Variants in ATP1B2 observed in about 807,000 individuals in gnomAD.
The protein encoded by ATP1B2 is ATPase Na+/K+ transporting subunit beta 2.
A neutral mutation model predicts 37.3 loss-of-function variants in ATP1B2; 12 were observed. That is an observed-to-expected ratio of 0.32 (90% CI 0.21 to 0.52). The LOEUF is 0.52. ATP1B2 is among the 20% of genes least tolerant of loss of function. The probability of loss-of-function intolerance (pLI) is 0.96; values close to 1 mark genes in which losing one functional copy is unlikely to be tolerated. For missense variants in ATP1B2, 324 were observed against 391.6 expected (o/e 0.83, Z 1.46); for synonymous variants, 139 against 140.5 (o/e 0.99, Z 0.07).
rs1227118276 is a variant in ATP1B2 at position 7,656,145 on chromosome 17, G to C, written c.*250G>C. ...AGGGAGCTGGGCTAAGATGGCCACG[G>C]AGGAGTTAGGAGCCTTTCTAGTTCT... On this transcript the variant is annotated 3_prime_UTR_variant, in exon 7 of 7. Transcript: ENST00000250111. The C allele has an allele frequency of 5.6e-6, 3 of 538,276 alleles. No homozygotes were observed. Among genetic ancestry groups the C allele is most frequent in the Non-Finnish European group, 1.0e-5 (3 of 299,576 alleles). 33.3% of individuals were successfully genotyped at this position (538,276 alleles called of 1,614,324 possible). A position where few individuals can be genotyped will look rare whatever the true frequency, so the allele number is the denominator to read the frequency against.
chr17:7,650,427 C>T (rs2072602703), upstream of ATP1B2, among the ~76,000 whole-genome samples: 1 of 151,958 alleles, frequency 6.6e-6, no homozygotes, highest in Non-Finnish European at 1.5e-5. Flanking sequence ...TGGGGGTGGC[C>T]TTTATCCATC....
chr17:7,647,586 C>T (rs370038883), upstream of ATP1B2, among the ~76,000 whole-genome samples: 10 of 151,644 alleles, frequency 6.6e-5, no homozygotes, highest in East Asian at 5.8e-4. Context: ...TTTGGGAGGC[C>T]GAGGTGGGCG....
chr17:7,651,710 CCCAGCTCCCCTCCCGGGTCCCCGGCGT>C, intron 1 of ATP1B2, 80 bp downstream of exon 1: 1 of 1,263,040 alleles, frequency 7.9e-7, no homozygotes. Flanking sequence ...CCGACGCGGC[CCCAGCTCCCCTCCCGGGTCCCCGGCGT>C]CCAGCCTCCC....
In ATP1B2 at chr17:7,654,293, A is replaced by C; in HGVS notation, c.552+36A>C. 6.2e-7 allele frequency: 1 copy of C among 1,607,656 alleles called. No individual in the cohort carries two copies. Among genetic ancestry groups the C allele is most frequent in the Non-Finnish European group, 8.5e-7 (1 of 1,175,180 alleles). Reference sequence around the variant, plus strand: ...CCTTGGTCCCCAGGGTGAATGGAGGAAGGATCTGGGGACACCACCTGCAGA... The same window carrying C: ...CCTTGGTCCCCAGGGTGAATGGAGGCAGGATCTGGGGACACCACCTGCAGA... On this transcript the variant is annotated intron_variant, in intron 4 of 6. Coordinates refer to ENST00000250111, the MANE Select transcript of ATP1B2 (RefSeq NM_001678.5). The surrounding 1 kb of genome is among the most constrained non-coding windows in gnomAD (Gnocchi z 4.9).
rs1053029274 is a variant in ATP1B2, at chr17:7,654,943, G to A, written c.609+259G>A. 1.4e-5 allele frequency: 7 copies of A among 489,500 alleles called. No individual in the cohort carries two copies. The highest frequency in any genetic ancestry group is 2.2e-5 in the Non-Finnish European group (6 of 271,034). The allele number at this position is 489,500 out of a possible 1,614,324, so 30.3% of individuals were successfully genotyped here. A position where few individuals can be genotyped will look rare whatever the true frequency, so the allele number is the denominator to read the frequency against. ...CAGACACACGCCCTCCTCCACCAACGCCCTGGCCTCTGGCTTCTCTCCCTA... is the reference window on the plus strand; with the variant it reads ...CAGACACACGCCCTCCTCCACCAACACCCTGGCCTCTGGCTTCTCTCCCTA... On this transcript the variant is annotated intron_variant, in intron 5 of 6. Coordinates refer to ENST00000250111, the MANE Select transcript of ATP1B2 (RefSeq NM_001678.5). This position sits in a 1 kb window ranked among gnomAD's most constrained non-coding sequence, Gnocchi z 4.9.
At chr17:7,647,281 G>C (rs1006784735), upstream of ATP1B2, among the ~76,000 whole-genome samples, 1 of 152,046 alleles carries the variant, frequency 6.6e-6, no homozygotes, top group Non-Finnish European at 1.5e-5. Context: ...GGCCACTTAC[G>C]CTGGCAACAA....
chr17:7,653,371 T>A lies in ATP1B2; in HGVS notation c.113-3T>A. ...CCTGCTGACCCTGTTTCCTCCTCCC[T>A]AGCCTTTATCCTCCTCTTCTACCTC... is the stretch of plus-strand genomic sequence containing the variant. On this transcript the variant is annotated splice_region_variant and splice_polypyrimidine_tract_variant and intron_variant, in intron 1 of 6. Transcript: ENST00000250111. The A allele has an allele frequency of 6.2e-7, 1 of 1,614,036 alleles. No individual in the cohort carries two copies.
upstream of ATP1B2, among the ~76,000 whole-genome samples, chr17:7,648,488 AC>A (rs1353185045): frequency 7.1e-6 from 1 of 139,922 alleles, no homozygotes; most frequent in Non-Finnish European, 1.5e-5. Context: ...AACCGCTTGA[AC>A]CCTGGAGGCA....
chr17:7,649,405 T>C (rs1000861094), upstream of ATP1B2, among the ~76,000 whole-genome samples: 3 of 151,942 alleles, frequency 2.0e-5, no homozygotes, highest in African/African-American at 7.2e-5. Context: ...TCTCTTTTTT[T>C]GAGACGAAGT....
At chr17:7,648,532 A>C (rs1268019659), upstream of ATP1B2, among the ~76,000 whole-genome samples, 12 of 135,174 alleles carry the variant, frequency 8.9e-5, no homozygotes, top group Non-Finnish European at 1.7e-4. Context: ...ATGCCACTGC[A>C]CTCCAGCCTG....
chr17:7,648,310 G>A (rs1336812546), upstream of ATP1B2, among the ~76,000 whole-genome samples: 2 of 151,992 alleles, frequency 1.3e-5, no homozygotes, highest in South Asian at 2.1e-4. Context: ...GGGTGCGGTT[G>A]TTCACACCTG....
chr17:7,650,778 A>G (rs1048618308), upstream of ATP1B2, among the ~76,000 whole-genome samples: 4 of 141,118 alleles, frequency 2.8e-5, no homozygotes, highest in Non-Finnish European at 4.6e-5. Flanking sequence ...AAGAGAAGTC[A>G]GGGGGGCGGG....
rs145660136 is a variant in ATP1B2, at chr17:7,654,147, C to T, written c.442C>T (p.Arg148Cys). ...PDNGVLNYPK[R>C]ACQFNRTQLG... ...TAATGGAGTCCTCAACTACCCCAAA[C>T]GTGCCTGCCAATTCAACCGGACCCA... Residue 148 changes from arginine to cysteine, a missense_variant, in exon 4 of 7, where the codon CGT (arginine) becomes TGT (cysteine). By Grantham distance (180) the Arg-to-Cys change is radical. Transcript: ENST00000250111. The surrounding 1 kb of genome is among the most constrained non-coding windows in gnomAD (Gnocchi z 4.9). 1.8e-4 allele frequency: 293 copies of T among 1,614,112 alleles called. No individual in the cohort carries two copies. The highest frequency in any genetic ancestry group is 2.3e-4 in the Non-Finnish European group (269 of 1,180,056).
At position 7,655,205 on chromosome 17, in the gene ATP1B2, A is replaced by T. The variant is rs1452511879; in HGVS notation, c.610-322A>T. 4.0e-5 allele frequency: 17 copies of T among 425,322 alleles called. No individual in the cohort carries two copies. Among genetic ancestry groups the T allele is most frequent in the Non-Finnish European group, 8.5e-6 (2 of 235,542 alleles). 26.3% of individuals were successfully genotyped at this position (425,322 alleles called of 1,614,324 possible). A position where few individuals can be genotyped will look rare whatever the true frequency, so the allele number is the denominator to read the frequency against. ...CTTGCTTCCTATTCAACCCTTAATCATGTATCTCTTCTTTCTTGGCTCTGC... is the reference window on the plus strand; with the variant it reads ...CTTGCTTCCTATTCAACCCTTAATCTTGTATCTCTTCTTTCTTGGCTCTGC... On this transcript the variant is annotated intron_variant, in intron 5 of 6. Coordinates refer to ENST00000250111, the MANE Select transcript of ATP1B2 (RefSeq NM_001678.5). This position sits in a 1 kb window ranked among gnomAD's most constrained non-coding sequence, Gnocchi z 4.4.
At chr17:7,651,712 C>A in intron 1 of ATP1B2, 82 bp downstream of exon 1, 1 of 1,254,356 alleles carries the variant, frequency 8.0e-7, no homozygotes, top group Non-Finnish European at 1.1e-6. Context: ...GACGCGGCCC[C>A]AGCTCCCCTC....
At chr17:7,653,718 T>G (rs2072629006) in intron 2 of ATP1B2, 123 bp from the exon 3 acceptor site, 1 of 1,257,618 alleles carries the variant, frequency 8.0e-7, no homozygotes, top group African/African-American at 1.5e-5. Flanking sequence ...CACCCTCCCA[T>G]GAAGACGATC....
At position 7,654,956 on chromosome 17, in the gene ATP1B2, G is replaced by T; in HGVS notation, c.609+272G>T. The T allele has an allele frequency of 2.1e-6, 1 of 478,614 alleles. No homozygotes were observed. Among genetic ancestry groups the T allele is most frequent in the Non-Finnish European group, 3.8e-6 (1 of 264,410 alleles). 29.6% of individuals were successfully genotyped at this position (478,614 alleles called of 1,614,324 possible). A position where few individuals can be genotyped will look rare whatever the true frequency, so the allele number is the denominator to read the frequency against. ...TCCTCCACCAACGCCCTGGCCTCTG[G>T]CTTCTCTCCCTAACGCTTCCACCTT... On this transcript the variant is annotated intron_variant, in intron 5 of 6. Coordinates refer to ENST00000250111, the MANE Select transcript of ATP1B2 (RefSeq NM_001678.5). The surrounding 1 kb of genome is among the most constrained non-coding windows in gnomAD (Gnocchi z 4.9).
At chr17:7,650,160 TAAG>T (rs763639980), upstream of ATP1B2, among the ~76,000 whole-genome samples, 1 of 152,020 alleles carries the variant, frequency 6.6e-6, no homozygotes, top group Non-Finnish European at 1.5e-5. Context: ...AGTAGACACA[TAAG>T]GAGGTGAGTT....
chr17:7,654,157 A>G lies in ATP1B2; in HGVS notation c.452A>G (p.Gln151Arg), dbSNP rs757450339. The change falls in exon 4 of 7, where the codon CAA (glutamine) becomes CGA (arginine). Residue 151 changes from glutamine to arginine, a missense_variant. Physicochemically the swap from Gln to Arg is conservative, Grantham distance 43. Transcript: ENST00000250111. The surrounding 1 kb of genome is among the most constrained non-coding windows in gnomAD (Gnocchi z 4.9). ...GVLNYPKRACQFNRTQLGNCS... is the reference protein window; with the variant it reads ...GVLNYPKRACRFNRTQLGNCS... ...CTCAACTACCCCAAACGTGCCTGCC[A>G]ATTCAACCGGACCCAGCTGGGCAAC... The G allele has an allele frequency of 3.1e-6, 5 of 1,614,074 alleles. No individual in the cohort carries two copies. Among genetic ancestry groups the G allele is most frequent in the Non-Finnish European group, 4.2e-6 (5 of 1,180,046 alleles).
Sources: gnomAD v4.1 joint callset for allele counts (sites outside exome capture counted in the v4.1 genomes callset) on GRCh38, gnomAD v4.1.1 for gene constraint, Gnocchi (gnomAD v3.1) non-coding constraint, MANE v1.5 for transcripts, NCBI Gene and HGNC (gene_info 2026-07-23, HGNC 2026-07-21) for gene names.